The following EDIL3 variants were observed in gnomAD, a reference collection of about 807,000 sequenced individuals.
EDIL3 encodes EGF-like repeat and discoidin I-like domain-containing protein 3.
In EDIL3, 37 loss-of-function variants were observed where a neutral mutation model predicts 67.4. The observed-to-expected ratio is 0.55, with a 90% CI of 0.42 to 0.72. The LOEUF (loss-of-function observed/expected upper bound fraction) is 0.72, where lower values mean the gene tolerates loss of function less well. Ranked by LOEUF, EDIL3 falls within the 30% of genes least tolerant of loss-of-function variation. EDIL3 has a pLI of 0.00. For missense variants in EDIL3, 527 were observed against 586.3 expected, an observed-to-expected ratio of 0.90 and a Z score of 1.04; for synonymous variants, 195 against 196.3, an observed-to-expected ratio of 0.99 and a Z score of 0.05.
intron 3 of EDIL3, among the ~76,000 whole-genome samples, chr5:84,185,919 A>G (rs1743420576): frequency 6.6e-6 from 1 of 152,128 alleles, no homozygotes; most frequent in East Asian, 1.9e-4. Context: ...CTACTTCTAT[A>G]TAAATAAAAA....
chr5:84,211,941 T>G (rs1561222752), intron 3 of EDIL3, among the ~76,000 whole-genome samples: 1 of 152,162 alleles, frequency 6.6e-6, no homozygotes, highest in Non-Finnish European at 1.5e-5. Context: ...CAAGAGGGTA[T>G]GGTGCCTACA....
intron 9 of EDIL3, among the ~76,000 whole-genome samples, chr5:84,013,191 A>G (rs1469844702): frequency 1.3e-5 from 2 of 151,862 alleles, no homozygotes; most frequent in African/African-American, 2.4e-5. Flanking sequence ...ATATGTGTGT[A>G]TATATATATG....
chr5:84,213,290 A>G (rs9293369), intron 3 of EDIL3, among the ~76,000 whole-genome samples: 1,524 of 152,314 alleles, frequency 0.01, 27 homozygotes, highest in African/African-American at 0.035. Context: ...TTCTGGAAAA[A>G]AAAATCCCTA....
intron 1 of EDIL3, among the ~76,000 whole-genome samples, chr5:84,291,717 T>G: frequency 7.9e-6 from 1 of 126,782 alleles, no homozygotes; most frequent in African/African-American, 2.7e-5. Context: ...TAGATCTATC[T>G]ATATATCTAT....
At chr5:83,992,878 T>A (rs897238583) in intron 9 of EDIL3, among the ~76,000 whole-genome samples, 8 of 151,800 alleles carry the variant, frequency 5.3e-5, no homozygotes, top group East Asian at 1.9e-4. Flanking sequence ...AAAATATTTT[T>A]AAATCTTTTT....
At chr5:84,255,513 A>G (rs1293588694) in intron 1 of EDIL3, among the ~76,000 whole-genome samples, 2 of 152,136 alleles carry the variant, frequency 1.3e-5, no homozygotes, top group Non-Finnish European at 2.9e-5. Flanking sequence ...TTTTAAAGGG[A>G]GCTTTGTAGG....
chr5:84,202,344 T>TC (rs1743861588), intron 3 of EDIL3, among the ~76,000 whole-genome samples: 1 of 152,118 alleles, frequency 6.6e-6, no homozygotes, highest in Non-Finnish European at 1.5e-5. Flanking sequence ...GGATGAGCTT[T>TC]CTCCTGAGCC....
intron 4 of EDIL3, among the ~76,000 whole-genome samples, chr5:84,139,629 G>A (rs1024182018): frequency 2.6e-5 from 4 of 152,110 alleles, no homozygotes; most frequent in Non-Finnish European, 5.9e-5. Flanking sequence ...TGTTTTAGAT[G>A]AGAACGTGTA....
chr5:84,176,741 G>A (rs1183604976), intron 4 of EDIL3, among the ~76,000 whole-genome samples: 2 of 107,406 alleles, frequency 1.9e-5, no homozygotes, highest in African/African-American at 6.9e-5. Flanking sequence ...AGAGGTGTGT[G>A]TATGTGTGTA....
intron 1 of EDIL3, 51 bp from the exon 2 acceptor site, chr5:84,254,263 T>C (rs766577616): frequency 4.5e-6 from 7 of 1,566,086 alleles, no homozygotes; most frequent in Middle Eastern, 3.4e-4. Context: ...GTCTTGGACA[T>C]TGAAACATAC....
intron 1 of EDIL3, among the ~76,000 whole-genome samples, chr5:84,379,118 G>A (rs926759055): frequency 1.3e-5 from 2 of 152,102 alleles, no homozygotes; most frequent in African/African-American, 4.8e-5. Flanking sequence ...ACTGGAAACC[G>A]ACTATTTGGC....
At chr5:84,383,856 C>G (rs1322075094) in intron 1 of EDIL3, among the ~76,000 whole-genome samples, 1 of 152,182 alleles carries the variant, frequency 6.6e-6, no homozygotes, top group African/African-American at 2.4e-5. Flanking sequence ...GGCGGACGGC[C>G]CTGCAGCTCC....
intron 1 of EDIL3, among the ~76,000 whole-genome samples, chr5:84,340,043 A>G (rs1747069834): frequency 6.6e-6 from 1 of 152,074 alleles, no homozygotes. Flanking sequence ...ATTAAATTTT[A>G]TAACATTCTA....
intron 1 of EDIL3, among the ~76,000 whole-genome samples, chr5:84,257,612 G>C (rs564262319): frequency 4.5e-4 from 68 of 152,236 alleles, no homozygotes; most frequent in African/African-American, 1.5e-3. Context: ...GGATGATTGA[G>C]TAGCCATCCT....
chr5:84,218,771 C>A (rs1744282096), intron 3 of EDIL3, among the ~76,000 whole-genome samples: 1 of 152,182 alleles, frequency 6.6e-6, no homozygotes, highest in Non-Finnish European at 1.5e-5. Context: ...TGGCTGTAGC[C>A]AGGCAGTACT....
At position 84,298,043 on chromosome 5, in the gene EDIL3, A is replaced by G. The variant is rs554358944; in HGVS notation, c.68-43831T>C. On this transcript the variant is annotated intron_variant, in intron 1 of 10. Coordinates refer to ENST00000296591, the MANE Select transcript of EDIL3 (RefSeq NM_005711.5). ...CAGACATGTTCCAAGACTCTTTTAC[A>G]TTATGTCAGACATGCAAGCCCTGCC... Among the ~76,000 whole-genome samples the G allele has an allele frequency of 6.6e-5, 10 of 152,218 alleles. No individual in the cohort carries two copies. The South Asian group carries it at 2.1e-3, about 32-fold the overall frequency.
chr5:84,204,381 T>C (rs924654086), intron 3 of EDIL3, among the ~76,000 whole-genome samples: 6 of 152,236 alleles, frequency 3.9e-5, no homozygotes, highest in South Asian at 4.1e-4. Context: ...TTATTTACTT[T>C]TCCTTTATTC....
intron 1 of EDIL3, among the ~76,000 whole-genome samples, chr5:84,292,976 T>A (rs978930238): frequency 2.6e-5 from 4 of 152,180 alleles, no homozygotes; most frequent in African/African-American, 9.6e-5. Context: ...TTCCCAGACG[T>A]TGCCTAAAGT....
chr5:84,189,362 G>T (rs1561457550), intron 3 of EDIL3, among the ~76,000 whole-genome samples: 1 of 151,914 alleles, frequency 6.6e-6, no homozygotes, highest in Non-Finnish European at 1.5e-5. Flanking sequence ...AGTTGGGCTT[G>T]CTGATGGCAG....
Sources: gnomAD v4.1 joint callset for allele counts (sites outside exome capture counted in the v4.1 genomes callset) on GRCh38, gnomAD v4.1.1 for gene constraint, MANE v1.5 for transcripts, NCBI Gene and HGNC (gene_info 2026-07-23, HGNC 2026-07-21) for gene names.